The following DOCK4 variants were observed in gnomAD, a reference collection of about 807,000 sequenced individuals.
DOCK4 encodes the protein dedicator of cytokinesis protein 4.
DOCK4 carries 97 observed loss-of-function variants against 268.1 expected under a neutral mutation model. That is an observed-to-expected ratio of 0.36 (90% CI 0.31 to 0.43). The LOEUF (loss-of-function observed/expected upper bound fraction) is 0.43. Ranked by LOEUF, DOCK4 falls within the 20% of genes least tolerant of loss-of-function variation. DOCK4 has a pLI of 1.00. For synonymous variants in DOCK4, 954 were observed against 887.2 expected (o/e 1.08, Z -1.34); for missense variants, 2,145 against 2,455.7 (o/e 0.87, Z 2.67).
At chr7:111,878,175 GC>G (rs1278060422) in intron 16 of DOCK4, among the ~76,000 whole-genome samples, 1 of 151,980 alleles carries the variant, frequency 6.6e-6, no homozygotes, top group Non-Finnish European at 1.5e-5. Flanking sequence ...AGTCAGTGTT[GC>G]CAAAAAAGGG....
chr7:111,989,564 G>A (rs1799351468), intron 5 of DOCK4, among the ~76,000 whole-genome samples: 1 of 152,134 alleles, frequency 6.6e-6, no homozygotes, highest in Non-Finnish European at 1.5e-5. Context: ...TGCAACTAAA[G>A]CTGATGAAAT....
chr7:112,032,054 T>C (rs1485773287), intron 1 of DOCK4, among the ~76,000 whole-genome samples: 3 of 152,200 alleles, frequency 2.0e-5, no homozygotes, highest in Non-Finnish European at 4.4e-5. Context: ...CTGCTGTCTG[T>C]GGAACAAAAT....
intron 11 of DOCK4, among the ~76,000 whole-genome samples, chr7:111,939,219 T>C (rs1474496485): frequency 6.6e-6 from 1 of 151,710 alleles, no homozygotes; most frequent in East Asian, 2.0e-4. Context: ...TTCTATTGTT[T>C]AAAATCTATT....
At chr7:111,878,882 A>G (rs1562836676) in intron 16 of DOCK4, among the ~76,000 whole-genome samples, 1 of 152,080 alleles carries the variant, frequency 6.6e-6, no homozygotes, top group Non-Finnish European at 1.5e-5. Flanking sequence ...GTAAACTTAA[A>G]AGGCAGTCTA....
chr7:111,740,729 T>TA lies in DOCK4; in HGVS notation c.5040+364dup, dbSNP rs59019816. ...GACTGGGAGACAGAGTGAGACTCGCTAAAAAAAAAAAAAAAAAAAAAAAAA... is the reference window on the plus strand; with the variant it reads ...GACTGGGAGACAGAGTGAGACTCGCTAAAAAAAAAAAAAAAAAAAAAAAAAA... On this transcript the variant is annotated intron_variant, in intron 47 of 52. Coordinates refer to ENST00000428084, the MANE Select transcript of DOCK4 (RefSeq NM_001363540.2). Among the ~76,000 whole-genome samples the TA allele has an allele frequency of 2.9e-3, 47 of 16,484 alleles. 7 individuals carry two copies. The highest frequency in any genetic ancestry group is 4.1e-3 in the Non-Finnish European group (44 of 10,714). 10.8% of individuals were successfully genotyped at this position (16,484 alleles called of 152,430 possible). A position where few individuals can be genotyped will look rare whatever the true frequency, so the allele number is the denominator to read the frequency against.
chr7:111,891,210 A>G (rs912092183), intron 16 of DOCK4, among the ~76,000 whole-genome samples: 1 of 152,028 alleles, frequency 6.6e-6, no homozygotes, highest in African/African-American at 2.4e-5. Flanking sequence ...TATTAATATT[A>G]TAAAATAACA....
intron 1 of DOCK4, among the ~76,000 whole-genome samples, chr7:112,016,041 A>AT: frequency 1.3e-5 from 2 of 152,226 alleles, no homozygotes; most frequent in Non-Finnish European, 2.9e-5. Flanking sequence ...ACATTTCAAC[A>AT]TAAGTTTTGG....
At chr7:112,198,236 C>T (rs1340828840) in intron 1 of DOCK4, among the ~76,000 whole-genome samples, 1 of 151,996 alleles carries the variant, frequency 6.6e-6, no homozygotes, top group African/African-American at 2.4e-5. Flanking sequence ...CTTTCCTCCC[C>T]ATGACCCCTT....
chr7:111,989,723 C>T (rs1466461361), intron 5 of DOCK4, among the ~76,000 whole-genome samples: 2 of 152,200 alleles, frequency 1.3e-5, no homozygotes. Flanking sequence ...AAAGGTAATG[C>T]TTTCTTCCTT....
intron 1 of DOCK4, among the ~76,000 whole-genome samples, chr7:112,064,036 C>T (rs924377099): frequency 1.1e-4 from 17 of 152,240 alleles, no homozygotes; most frequent in South Asian, 4.1e-4. Context: ...ATCCATCAGA[C>T]GTGAGTTTTG....
chr7:111,867,071 G>A (rs1806032529), intron 22 of DOCK4, among the ~76,000 whole-genome samples: 1 of 152,196 alleles, frequency 6.6e-6, no homozygotes, highest in African/African-American at 2.4e-5. Context: ...GATGGAAGAT[G>A]AGTCCACCTC....
At chr7:112,152,061 TAA>T (rs1816147758) in intron 1 of DOCK4, among the ~76,000 whole-genome samples, 1 of 152,050 alleles carries the variant, frequency 6.6e-6, no homozygotes, top group Non-Finnish European at 1.5e-5. Context: ...AAAAATTCAT[TAA>T]AAGACATACA....
At chr7:111,980,436 G>A (rs1032501916) in intron 7 of DOCK4, among the ~76,000 whole-genome samples, 1 of 152,240 alleles carries the variant, frequency 6.6e-6, no homozygotes, top group Non-Finnish European at 1.5e-5. Context: ...TACTCTAACT[G>A]TGCTTAACAG....
chr7:111,829,468 C>T (rs1802649334), intron 26 of DOCK4, among the ~76,000 whole-genome samples: 1 of 152,074 alleles, frequency 6.6e-6, no homozygotes, highest in African/African-American at 2.4e-5. Flanking sequence ...TGGCTCATGG[C>T]TGTGGGATGG....
At chr7:111,925,968 G>T (rs1383289050) in intron 12 of DOCK4, among the ~76,000 whole-genome samples, 1 of 146,856 alleles carries the variant, frequency 6.8e-6, no homozygotes. Flanking sequence ...GTGGCGTGTC[G>T]CCTGTAGTTC....
chr7:112,063,873 T>C (rs1412559565), intron 1 of DOCK4, among the ~76,000 whole-genome samples: 2 of 152,338 alleles, frequency 1.3e-5, no homozygotes, highest in Admixed American at 6.5e-5. Context: ...GCAGAGGACA[T>C]CTGTCATATG....
intron 8 of DOCK4, among the ~76,000 whole-genome samples, chr7:111,947,528 G>GT (rs1395485151): frequency 6.6e-6 from 1 of 152,192 alleles, no homozygotes; most frequent in East Asian, 1.9e-4. Context: ...AAAAATTGCT[G>GT]TAAGTATCCT....
At chr7:111,933,121 TATATATACGTATATACAC>T (rs1160542362) in intron 12 of DOCK4, among the ~76,000 whole-genome samples, 22 of 103,224 alleles carry the variant, frequency 2.1e-4, no homozygotes, top group Non-Finnish European at 4.1e-4. Flanking sequence ...TATATACACA[TATATATACGTATATACAC>T]ATATATATAC....
chr7:111,741,443 G>C (rs1795909297), intron 46 of DOCK4, 97 bp downstream of exon 46: 5 of 1,509,118 alleles, frequency 3.3e-6, no homozygotes, highest in Non-Finnish European at 4.5e-6. Context: ...TTAAGAAATA[G>C]CGTATTTGAC....
Sources: allele counts gnomAD v4.1 joint callset (sites outside exome capture counted in the v4.1 genomes callset), GRCh38; gene constraint gnomAD v4.1.1; transcripts MANE v1.5; gene names NCBI Gene and HGNC (gene_info 2026-07-23, HGNC 2026-07-21).